PARD3B: variants seen among roughly 807,000 people sequenced by gnomAD.
PARD3B encodes the protein par-3 family cell polarity regulator beta.
Under a neutral mutation model 130.2 loss-of-function variants are expected in PARD3B, and 103 were observed. That is an observed-to-expected ratio of 0.79 (90% CI 0.67 to 0.93). The LOEUF (loss-of-function observed/expected upper bound fraction) is 0.93. Among genes scored for constraint, PARD3B ranks in the 40% least tolerant of loss-of-function variants. The pLI is 0.00. For missense variants in PARD3B, 1,609 were observed against 1,499.2 expected (o/e 1.07, Z -1.21); for synonymous variants, 583 against 553.2 (o/e 1.05, Z -0.76).
chr2:204,736,438 C>T (rs2039757230), intron 2 of PARD3B, among the ~76,000 whole-genome samples: 1 of 152,014 alleles, frequency 6.6e-6, no homozygotes, highest in African/African-American at 2.4e-5. Context: ...TCATCCTCCT[C>T]CTCCTGAGTC....
At chr2:204,630,243 A>G (rs2034629961) in intron 1 of PARD3B, among the ~76,000 whole-genome samples, 1 of 152,106 alleles carries the variant, frequency 6.6e-6, no homozygotes, top group Non-Finnish European at 1.5e-5. Context: ...AAGAAATGCA[A>G]GGGTCAGGGC....
In PARD3B at chr2:204,725,572, G is replaced by T. The variant is rs868525289; in HGVS notation, c.222+39290G>T. 5.2e-4 allele frequency among the ~76,000 whole-genome samples: 79 copies of T among 152,150 alleles called. No individual in the cohort carries two copies. The Middle Eastern group carries it at 0.014, about 26-fold the overall frequency. On this transcript the variant is annotated intron_variant, in intron 2 of 22. Transcript: ENST00000406610. ...TTCTTTTCCATAATGGTGTCATATG[G>T]TTTGACATCCACTCGTCATCTTCAG...
chr2:205,054,436 A>ATTTTTTTTTTT (rs769918623), intron 4 of PARD3B, among the ~76,000 whole-genome samples: 2 of 28,438 alleles, frequency 7.0e-5, no homozygotes, highest in African/African-American at 3.0e-4. Context: ...ATATATATAT[A>ATTTTTTTTTTT]TTTTTTTTTT....
rs544062954 is a variant in PARD3B, at chr2:204,976,583, T to C, written c.394+11260T>C. On this transcript the variant is annotated intron_variant, in intron 3 of 22. Coordinates refer to ENST00000406610, the MANE Select transcript of PARD3B (RefSeq NM_001302769.2). Reference sequence around the variant, plus strand: ...CATTTGGAGGAAAAAATAAAAAAACTCCATGTATTTAGGTAATTGATTTTT... The same window carrying C: ...CATTTGGAGGAAAAAATAAAAAAACCCCATGTATTTAGGTAATTGATTTTT... Among the ~76,000 whole-genome samples, 283 of 149,720 alleles carry C rather than the reference T, an allele frequency of 1.9e-3. 2 individuals are homozygous for C. The highest frequency in any genetic ancestry group is 6.0e-3 in the African/African-American group (245 of 40,802).
chr2:204,803,347 C>A (rs536923071), intron 2 of PARD3B, among the ~76,000 whole-genome samples: 1 of 151,788 alleles, frequency 6.6e-6, no homozygotes, highest in Non-Finnish European at 1.5e-5. Context: ...TCTGAAGATA[C>A]AAACCTCACT....
chr2:204,634,320 A>T (rs968794123), intron 1 of PARD3B, among the ~76,000 whole-genome samples: 1 of 152,202 alleles, frequency 6.6e-6, no homozygotes, highest in African/African-American at 2.4e-5. Context: ...AAATAACAGG[A>T]TCTCATATTT....
intron 2 of PARD3B, among the ~76,000 whole-genome samples, chr2:204,758,747 A>G (rs2040779047): frequency 6.6e-6 from 1 of 152,192 alleles, no homozygotes; most frequent in Non-Finnish European, 1.5e-5. Context: ...ATGCTTGCTT[A>G]GATGTGCAGT....
In PARD3B at chr2:204,919,427, A is replaced by G. The variant is rs551379765; in HGVS notation, c.223-45725A>G. On this transcript the variant is annotated intron_variant, in intron 2 of 22. Coordinates refer to ENST00000406610, the MANE Select transcript of PARD3B (RefSeq NM_001302769.2). ...CCTGACCCTCAAACCTCCCAACAGC[A>G]ACCACTGTTTTGATTGTTTTCTACC... 2.0e-5 allele frequency among the ~76,000 whole-genome samples: 3 copies of G among 152,292 alleles called. No individual in the cohort carries two copies. In the South Asian group the frequency reaches 6.2e-4, roughly 32 times the overall value.
At chr2:204,579,876 G>A (rs185693851) in intron 1 of PARD3B, among the ~76,000 whole-genome samples, 259 of 152,320 alleles carry the variant, frequency 1.7e-3, no homozygotes, top group African/African-American at 6.1e-3. Context: ...ATCCTACCCT[G>A]TGAAGACAAT....
At chr2:204,803,953 G>A (rs1318254065) in intron 2 of PARD3B, among the ~76,000 whole-genome samples, 1 of 152,158 alleles carries the variant, frequency 6.6e-6, no homozygotes, top group African/African-American at 2.4e-5. Context: ...CAGCGAGATA[G>A]CTAATGCCTG....
intron 16 of PARD3B, among the ~76,000 whole-genome samples, chr2:205,285,536 T>A (rs2041360894): frequency 6.6e-6 from 1 of 152,160 alleles, no homozygotes; most frequent in Non-Finnish European, 1.5e-5. Context: ...AGGTCCTTGT[T>A]GGTCTTTTCC....
rs149864182 is a variant in PARD3B at position 205,288,379 on chromosome 2, T to A, written c.2186-12151T>A. On this transcript the variant is annotated intron_variant, in intron 16 of 22. Transcript: ENST00000406610. This position sits in a 1 kb window ranked among gnomAD's most constrained non-coding sequence, Gnocchi z 4.0. ...GAAGAAATTAGAAGAAATTTGAAAT[T>A]GTAAAAAGAAAGGAAGAGCAAGAGA... 5.3e-5 allele frequency among the ~76,000 whole-genome samples: 8 copies of A among 152,262 alleles called. No individual in the cohort carries two copies. In the East Asian group the frequency reaches 1.5e-3, roughly 29 times the overall value.
At chr2:204,796,000 T>C (rs1172234902) in intron 2 of PARD3B, among the ~76,000 whole-genome samples, 1 of 152,230 alleles carries the variant, frequency 6.6e-6, no homozygotes, top group East Asian at 1.9e-4. Context: ...CTACATGTTT[T>C]TTCTCTTTTG....
intron 2 of PARD3B, among the ~76,000 whole-genome samples, chr2:204,787,878 T>G (rs1559144613): frequency 6.6e-6 from 1 of 152,236 alleles, no homozygotes. Flanking sequence ...TCCAGTTTTC[T>G]GTCATGGCAG....
chr2:205,384,787 T>C (rs551659345), intron 18 of PARD3B, among the ~76,000 whole-genome samples: 55 of 152,226 alleles, frequency 3.6e-4, no homozygotes, highest in African/African-American at 1.3e-3. Context: ...GAGAGAACCA[T>C]AGTTTCCATC....
chr2:205,340,507 C>G (rs1026681603), intron 18 of PARD3B, among the ~76,000 whole-genome samples: 1 of 151,986 alleles, frequency 6.6e-6, no homozygotes, highest in African/African-American at 2.4e-5. Context: ...GAAGGGACAC[C>G]CTCTTTAATA....
At chr2:205,063,034 A>G (rs1485744804) in intron 4 of PARD3B, among the ~76,000 whole-genome samples, 1 of 152,032 alleles carries the variant, frequency 6.6e-6, no homozygotes, top group African/African-American at 2.4e-5. Context: ...TCTATTATAT[A>G]TATTCAACTT....
intron 20 of PARD3B, among the ~76,000 whole-genome samples, chr2:205,468,117 A>G (rs1161785983): frequency 6.6e-6 from 1 of 152,198 alleles, no homozygotes; most frequent in Non-Finnish European, 1.5e-5. Context: ...ACAATGATCT[A>G]GCTTAGCTTA....
chr2:205,430,997 T>A (rs1258636212), intron 19 of PARD3B, among the ~76,000 whole-genome samples: 2 of 152,176 alleles, frequency 1.3e-5, no homozygotes, highest in Admixed American at 1.3e-4. Context: ...CCTTTGGAAG[T>A]ATGTAGGGGG....
Sources: gnomAD v4.1 joint callset for allele counts (sites outside exome capture counted in the v4.1 genomes callset) on GRCh38, gnomAD v4.1.1 for gene constraint, Gnocchi (gnomAD v3.1) non-coding constraint, MANE v1.5 for transcripts, NCBI Gene and HGNC (gene_info 2026-07-23, HGNC 2026-07-21) for gene names.